MAPRE2: variants seen among roughly 807,000 people sequenced by gnomAD.
MAPRE2 encodes the protein microtubule associated protein RP/EB family member 2.
MAPRE2 carries 13 observed loss-of-function variants against 43.2 expected under a neutral mutation model. That is an observed-to-expected ratio of 0.30 (90% confidence interval 0.20 to 0.48). MAPRE2 has a LOEUF of 0.48. Ranked by LOEUF, MAPRE2 falls within the 20% of genes least tolerant of loss-of-function variation. MAPRE2 has a pLI of 0.99. For synonymous variants in MAPRE2, 135 were observed against 148.8 expected (o/e 0.91, Z 0.68); for missense variants, 161 against 400.2 (o/e 0.40, Z 5.10).
chr18:35,015,866 A>G lies in MAPRE2; in HGVS notation c.-8+10313A>G, dbSNP rs73422665. On this transcript the variant is annotated intron_variant, in intron 2 of 7. Transcript: ENST00000413393. ...ACATGCAGTTTTATTACCTGGGTATATTGCACGATGCTGACGTTTTGGGTA... is the reference window on the plus strand; with the variant it reads ...ACATGCAGTTTTATTACCTGGGTATGTTGCACGATGCTGACGTTTTGGGTA... Among the ~76,000 whole-genome samples the G allele has an allele frequency of 3.2e-3, 480 of 152,074 alleles. 2 individuals are homozygous for G. The highest frequency in any genetic ancestry group is 0.011 in the African/African-American group (450 of 41,484).
chr18:35,000,956 C>G (rs539099045), intron 1 of MAPRE2, among the ~76,000 whole-genome samples: 2 of 152,138 alleles, frequency 1.3e-5, no homozygotes, highest in Non-Finnish European at 2.9e-5. Context: ...CCACTCCATA[C>G]ACGTACCTGT....
At chr18:35,043,785 G>A (rs1905484525) in intron 1 of MAPRE2, among the ~76,000 whole-genome samples, 1 of 152,168 alleles carries the variant, frequency 6.6e-6, no homozygotes, top group Non-Finnish European at 1.5e-5. Context: ...TATACAAAGG[G>A]TGCACATGGA....
chr18:35,091,970 A>G (rs539219660), intron 2 of MAPRE2, among the ~76,000 whole-genome samples: 61 of 152,366 alleles, frequency 4.0e-4, no homozygotes, highest in African/African-American at 1.4e-3. Flanking sequence ...GCTTCCAGTC[A>G]TGGCAGAAGG....
At chr18:35,064,641 G>A (rs1419799698) in intron 1 of MAPRE2, among the ~76,000 whole-genome samples, 1 of 152,130 alleles carries the variant, frequency 6.6e-6, no homozygotes, top group Non-Finnish European at 1.5e-5. Context: ...TGCAGAACTG[G>A]TAAAGGTGGT....
chr18:35,101,808 T>C (rs747409279), intron 3 of MAPRE2, 138 bp from the exon 4 acceptor site: 3 of 633,484 alleles, frequency 4.7e-6, no homozygotes, highest in Non-Finnish European at 8.3e-6. Context: ...CTTAGGTTGC[T>C]TCCAAATCTT....
At chr18:35,117,630 CCT>C (rs926088123) in intron 4 of MAPRE2, among the ~76,000 whole-genome samples, 2 of 152,080 alleles carry the variant, frequency 1.3e-5, no homozygotes, top group African/African-American at 2.4e-5. Flanking sequence ...ACCATCTTCC[CCT>C]GTTACTGCAG....
intron 1 of MAPRE2, among the ~76,000 whole-genome samples, chr18:34,983,031 G>A (rs2097017212): frequency 6.6e-6 from 1 of 152,154 alleles, no homozygotes; most frequent in South Asian, 2.1e-4. Flanking sequence ...ACCAAAGACT[G>A]TATGCCCACA....
chr18:35,084,557 T>C (rs188689220), intron 2 of MAPRE2, among the ~76,000 whole-genome samples: 1 of 152,356 alleles, frequency 6.6e-6, no homozygotes, highest in East Asian at 1.9e-4. Context: ...CTTATTTCTT[T>C]TCCTGTACAA....
At chr18:34,991,650 TG>T (rs1283822229) in intron 1 of MAPRE2, among the ~76,000 whole-genome samples, 10 of 152,178 alleles carry the variant, frequency 6.6e-5, no homozygotes, top group African/African-American at 2.4e-4. Context: ...ATCTCTTTTG[TG>T]GAAGAGTATG....
At chr18:35,034,631 C>A (rs1269969423) in intron 2 of MAPRE2, among the ~76,000 whole-genome samples, 7 of 152,030 alleles carry the variant, frequency 4.6e-5, no homozygotes, top group Non-Finnish European at 1.0e-4. Context: ...GGGCTAATAT[C>A]CAGAATCTAC....
At chr18:35,031,664 A>G (rs1005003915) in intron 2 of MAPRE2, among the ~76,000 whole-genome samples, 2 of 152,214 alleles carry the variant, frequency 1.3e-5, no homozygotes, top group South Asian at 4.1e-4. Context: ...ACAGAGAGAA[A>G]TCTTGTCTCA....
chr18:35,064,031 A>AT (rs1414716971), intron 1 of MAPRE2, among the ~76,000 whole-genome samples: 1 of 142,410 alleles, frequency 7.0e-6, no homozygotes, highest in East Asian at 2.0e-4. Context: ...AAAAAAAAAA[A>AT]AATCTGGCCA....
upstream of MAPRE2, among the ~76,000 whole-genome samples, chr18:35,038,892 G>A (rs1193845544): frequency 6.6e-6 from 1 of 152,208 alleles, no homozygotes; most frequent in Admixed American, 6.5e-5. Flanking sequence ...AGTCTTAGAG[G>A]AAGATTTACG....
chr18:35,033,183 T>C (rs946649343), intron 2 of MAPRE2, among the ~76,000 whole-genome samples: 2 of 152,042 alleles, frequency 1.3e-5, no homozygotes, highest in Non-Finnish European at 2.9e-5. Flanking sequence ...TGGGCTTCAT[T>C]CCTGGGATGC....
chr18:35,068,736 G>A (rs1906963126), intron 1 of MAPRE2, among the ~76,000 whole-genome samples: 1 of 152,178 alleles, frequency 6.6e-6, no homozygotes, highest in Non-Finnish European at 1.5e-5. Context: ...AATATTTGAA[G>A]TTTTAGTGAA....
At chr18:35,003,595 C>T (rs1473481358) in intron 1 of MAPRE2, among the ~76,000 whole-genome samples, 1 of 152,158 alleles carries the variant, frequency 6.6e-6, no homozygotes, top group Admixed American at 6.5e-5. Flanking sequence ...TAGAAAAAGG[C>T]CAATTGTATA....
intron 3 of MAPRE2, 120 bp downstream of exon 3, chr18:35,097,711 G>A: frequency 1.2e-6 from 1 of 815,992 alleles, no homozygotes; most frequent in South Asian, 1.9e-5. Context: ...CAGTAGGCTG[G>A]GGTCTGTACC....
rs1491337111 is a variant in MAPRE2, at chr18:34,985,542, AAT to A, written c.-70+8472_-70+8473del. Among the ~76,000 whole-genome samples the A allele has an allele frequency of 3.6e-4, 23 of 64,004 alleles. 1 individual carries two copies. The highest frequency in any genetic ancestry group is 1.4e-3 in the South Asian group (3 of 2,212). The allele number at this position is 64,004 out of a possible 152,430, so 42.0% of individuals were successfully genotyped here. On this transcript the variant is annotated intron_variant, in intron 1 of 7. Transcript: ENST00000413393. ...ATTATATATTATAAATATAATATAT[AAT>A]ATATATATTATATATTATAAATATA...
At chr18:35,097,171 T>C (rs1452463704) in intron 2 of MAPRE2, among the ~76,000 whole-genome samples, 1 of 152,234 alleles carries the variant, frequency 6.6e-6, no homozygotes, top group African/African-American at 2.4e-5. Context: ...GTTCTGTTGG[T>C]TGGTTGTGGA....
Sources: allele counts gnomAD v4.1 joint callset (sites outside exome capture counted in the v4.1 genomes callset), GRCh38; gene constraint gnomAD v4.1.1; transcripts MANE v1.5; gene names NCBI Gene and HGNC (gene_info 2026-07-23, HGNC 2026-07-21).